AGTPBP1: variants seen among roughly 807,000 people sequenced by gnomAD.
AGTPBP1 encodes ATP/GTP binding carboxypeptidase 1.
In AGTPBP1, 70 loss-of-function variants were observed where a neutral mutation model predicts 143.9. That is an observed-to-expected ratio of 0.49 (90% CI 0.40 to 0.59). The LOEUF (loss-of-function observed/expected upper bound fraction) is 0.59. Ranked by LOEUF, AGTPBP1 falls within the 20% of genes least tolerant of loss-of-function variation. AGTPBP1 has a pLI of 0.00. For missense variants in AGTPBP1, 1,229 were observed against 1,464.5 expected (o/e 0.84, Z 2.62); for synonymous variants, 463 against 500.2 (o/e 0.93, Z 0.99).
chr9:85,678,179 TA>T, intron 5 of AGTPBP1, among the ~76,000 whole-genome samples, 155 bp downstream of exon 5: 1 of 152,240 alleles, frequency 6.6e-6, no homozygotes, highest in East Asian at 1.9e-4. Flanking sequence ...ATACCAAAAA[TA>T]AAGCAACAAC....
chr9:85,750,854 T>C, the AGTPBP1 span, among the ~76,000 whole-genome samples: 7 of 152,222 alleles, frequency 4.6e-5, no homozygotes, highest in Non-Finnish European at 1.0e-4. Flanking sequence ...CTACTGAGGC[T>C]ACTAGGCATT....
chr9:85,709,936 T>C (rs940346345), intron 2 of AGTPBP1, among the ~76,000 whole-genome samples: 14 of 152,284 alleles, frequency 9.2e-5, no homozygotes, highest in African/African-American at 3.4e-4. Flanking sequence ...ATCTATCTAA[T>C]TAGAATCTTT....
the AGTPBP1 span, among the ~76,000 whole-genome samples, chr9:85,766,212 T>C: frequency 1.3e-5 from 2 of 151,898 alleles, no homozygotes; most frequent in African/African-American, 4.8e-5. Context: ...ATAAGAAAAC[T>C]GTAAACTCTG....
intron 17 of AGTPBP1, among the ~76,000 whole-genome samples, chr9:85,601,588 C>A (rs1008300381): frequency 6.6e-6 from 1 of 152,236 alleles, no homozygotes; most frequent in Non-Finnish European, 1.5e-5. Context: ...CCAACACTAG[C>A]ACAGACTGCT....
chr9:85,670,575 A>G (rs1295869638), intron 7 of AGTPBP1, among the ~76,000 whole-genome samples: 1 of 152,192 alleles, frequency 6.6e-6, no homozygotes, highest in Non-Finnish European at 1.5e-5. Context: ...TATTAAATAT[A>G]TTGTAGAACC....
At chr9:85,553,209 C>T (rs1638739768) in intron 25 of AGTPBP1, among the ~76,000 whole-genome samples, 1 of 152,060 alleles carries the variant, frequency 6.6e-6, no homozygotes, top group Admixed American at 6.5e-5. Flanking sequence ...GAATATCCAA[C>T]AAGAGAATAT....
At chr9:85,711,991 T>C (rs888972635) in intron 2 of AGTPBP1, among the ~76,000 whole-genome samples, 2 of 152,114 alleles carry the variant, frequency 1.3e-5, no homozygotes, top group East Asian at 1.9e-4. Flanking sequence ...CGGCCGGGCA[T>C]GGAGGTTCAC....
intron 17 of AGTPBP1, among the ~76,000 whole-genome samples, chr9:85,600,678 A>T (rs898828738): frequency 6.6e-6 from 1 of 152,150 alleles, no homozygotes; most frequent in Non-Finnish European, 1.5e-5. Context: ...ACAGGTCCCA[A>T]GACTAACACA....
chr9:85,796,375 A>G, the AGTPBP1 span, among the ~76,000 whole-genome samples: 1 of 152,218 alleles, frequency 6.6e-6, no homozygotes, highest in Non-Finnish European at 1.5e-5. Flanking sequence ...ATCACATTTC[A>G]TTAAACAGAT....
At chr9:85,555,063 C>T (rs1284475642) in intron 25 of AGTPBP1, among the ~76,000 whole-genome samples, 2 of 152,136 alleles carry the variant, frequency 1.3e-5, no homozygotes, top group East Asian at 3.9e-4. Flanking sequence ...TAAATCTCCA[C>T]ATAAATTAAA....
chr9:85,578,566 AT>A (rs1250653257), intron 24 of AGTPBP1, among the ~76,000 whole-genome samples: 2 of 152,208 alleles, frequency 1.3e-5, no homozygotes, highest in Non-Finnish European at 2.9e-5. Flanking sequence ...AAAAAAATTT[AT>A]ATCCAATAAA....
intron 25 of AGTPBP1, among the ~76,000 whole-genome samples, chr9:85,554,587 G>A (rs2118483229): frequency 6.6e-6 from 1 of 152,248 alleles, no homozygotes. Context: ...AAACTCAGGG[G>A]CTCTCTGGAC....
chr9:85,647,361 G>A (rs1295702264), intron 11 of AGTPBP1, among the ~76,000 whole-genome samples: 2 of 152,218 alleles, frequency 1.3e-5, no homozygotes, highest in African/African-American at 4.8e-5. Flanking sequence ...CAGCATATTG[G>A]ACATGCTTGG....
intron 1 of AGTPBP1, among the ~76,000 whole-genome samples, chr9:85,731,769 T>C (rs118154030): frequency 0.011 from 1,628 of 152,326 alleles, 16 homozygotes; most frequent in Middle Eastern, 0.027. Context: ...TGTTATATTT[T>C]AGTCCAATCT....
At chr9:85,792,009 A>G in the AGTPBP1 span, among the ~76,000 whole-genome samples, 1 of 152,212 alleles carries the variant, frequency 6.6e-6, no homozygotes, top group Non-Finnish European at 1.5e-5. Flanking sequence ...GATATGCCAA[A>G]ACAAACAAAA....
chr9:85,654,049 C>A (rs1446332254), intron 11 of AGTPBP1, among the ~76,000 whole-genome samples: 7 of 152,012 alleles, frequency 4.6e-5, no homozygotes, highest in Admixed American at 2.6e-4. Context: ...TAATAGTGTA[C>A]CCTATGACAT....
Position 85,642,810 on chromosome 9 carries a change from A to G in AGTPBP1, c.1302+17T>C, listed in dbSNP as rs1185348705. 1 of 1,567,660 alleles carries G rather than the reference A, an allele frequency of 6.4e-7. No individual in the cohort carries two copies. The highest frequency in any genetic ancestry group is 2.2e-5 in the East Asian group (1 of 44,586). On this transcript the variant is annotated intron_variant, in intron 13 of 25. Transcript: ENST00000357081. The stretch of plus-strand genomic sequence containing the variant: ...TTATTAAAATCAGTTAAGATGCTGA[A>G]TTTTCTATATTTATACCTGAAAATC...
intron 23 of AGTPBP1, among the ~76,000 whole-genome samples, chr9:85,582,982 G>GT (rs140603638): frequency 6.4e-4 from 97 of 152,230 alleles, no homozygotes; most frequent in African/African-American, 2.3e-3. Flanking sequence ...GATTATCTTA[G>GT]TGGCCCTTAC....
At chr9:85,618,948 C>T (rs757380333) in intron 17 of AGTPBP1, 35 bp downstream of exon 17, 7 of 1,582,440 alleles carry the variant, frequency 4.4e-6, no homozygotes, top group Non-Finnish European at 6.0e-6. Flanking sequence ...AAGATGCCTG[C>T]ATGCCATTTC....
Sources: allele counts gnomAD v4.1 joint callset (sites outside exome capture counted in the v4.1 genomes callset), GRCh38; gene constraint gnomAD v4.1.1; transcripts MANE v1.5; gene names NCBI Gene and HGNC (gene_info 2026-07-23, HGNC 2026-07-21).